Variants in PAPPA observed in about 807,000 individuals in gnomAD.
PAPPA encodes the protein pappalysin-1.
A neutral mutation model predicts 164.0 loss-of-function variants in PAPPA; 60 were observed. The ratio of observed to expected loss-of-function variants is 0.37; its 90% CI spans 0.30 to 0.45. The LOEUF (loss-of-function observed/expected upper bound fraction) is 0.45. Ranked by LOEUF, PAPPA falls within the 20% of genes least tolerant of loss-of-function variation. The probability of loss-of-function intolerance (pLI) is 1.00; values close to 1 mark genes in which losing one functional copy is unlikely to be tolerated. For synonymous variants in PAPPA, 875 were observed against 814.1 expected, an observed-to-expected ratio of 1.07 and a Z score of -1.27; for missense variants, 1,782 against 2,087.3, an observed-to-expected ratio of 0.85 and a Z score of 2.85.
intron 2 of PAPPA, among the ~76,000 whole-genome samples, chr9:116,191,794 T>A (rs997233658): frequency 9.2e-5 from 14 of 152,050 alleles, no homozygotes; most frequent in Admixed American, 9.2e-4. Context: ...GATGGCACAT[T>A]CAAACAGAAT....
At chr9:116,345,569 G>T (rs1846197308) in intron 14 of PAPPA, among the ~76,000 whole-genome samples, 1 of 152,186 alleles carries the variant, frequency 6.6e-6, no homozygotes, top group African/African-American at 2.4e-5. Context: ...GTCAGGAAGT[G>T]TGGGGTTGAT....
intron 9 of PAPPA, among the ~76,000 whole-genome samples, chr9:116,295,915 G>A (rs978532994): frequency 3.3e-5 from 5 of 152,192 alleles, no homozygotes; most frequent in Admixed American, 2.6e-4. Flanking sequence ...GCAGATGTTA[G>A]TATATTGATT....
intron 1 of PAPPA, among the ~76,000 whole-genome samples, chr9:116,157,313 A>G (rs1843616073): frequency 6.6e-6 from 1 of 152,116 alleles, no homozygotes; most frequent in African/African-American, 2.4e-5. Context: ...AGACAGGGGG[A>G]AGGAGCGAAG....
intron 9 of PAPPA, among the ~76,000 whole-genome samples, chr9:116,297,429 G>T (rs1018502914): frequency 2.0e-5 from 3 of 152,170 alleles, no homozygotes; most frequent in Non-Finnish European, 4.4e-5. Flanking sequence ...ATCTTGTACT[G>T]AGAAGACACG....
intron 18 of PAPPA, among the ~76,000 whole-genome samples, chr9:116,365,684 C>T (rs1297935031): frequency 6.6e-6 from 1 of 150,732 alleles, no homozygotes; most frequent in Non-Finnish European, 1.5e-5. Flanking sequence ...TCCTTTAGAA[C>T]TGGTCTCATG....
chr9:116,217,031 T>C (rs886342909), intron 4 of PAPPA, among the ~76,000 whole-genome samples: 1 of 152,304 alleles, frequency 6.6e-6, no homozygotes, highest in Non-Finnish European at 1.5e-5. Context: ...AGAGCCACTG[T>C]GCCCAGCCTC....
At chr9:116,344,498 TCC>T (rs1564234348) in intron 13 of PAPPA, 43 bp from the exon 14 acceptor site, 1 of 1,583,024 alleles carries the variant, frequency 6.3e-7, no homozygotes. Context: ...AGCATAGCTG[TCC>T]TGTGAGGAGA....
chr9:116,211,390 C>A (rs1378163482), intron 3 of PAPPA, among the ~76,000 whole-genome samples: 1 of 152,210 alleles, frequency 6.6e-6, no homozygotes, highest in African/African-American at 2.4e-5. Context: ...CCCTTCACCT[C>A]TTTAAGCATT....
rs1445651257 is a variant in PAPPA, at chr9:116,154,523, C to T, written c.351C>T (p.Asp117=). The part of the protein sequence containing the change: ...RLRADLELPR[D]AFTLQVWLRA... ...GGGCCGACCTCGAGCTGCCCCGGGA[C>T]GCGTTCACGCTGCAAGTGTGGCTGC... Residue 117 remains aspartate (D), a synonymous_variant, in exon 1 of 22, where the codon GAC becomes GAT. Transcript: ENST00000328252. This position sits in a 1 kb window ranked among gnomAD's most constrained non-coding sequence, Gnocchi z 5.2. 5.7e-6 allele frequency: 8 copies of T among 1,400,102 alleles called. No homozygotes were observed. The highest frequency in any genetic ancestry group is 5.5e-5 in the Admixed American group (2 of 36,668). 86.7% of individuals were successfully genotyped at this position (1,400,102 alleles called of 1,614,324 possible).
At chr9:116,364,208 T>C (rs1276685609) in intron 18 of PAPPA, among the ~76,000 whole-genome samples, 1 of 152,250 alleles carries the variant, frequency 6.6e-6, no homozygotes, top group Non-Finnish European at 1.5e-5. Context: ...ATGTCTGTGA[T>C]GGGGTCCCAA....
chr9:116,257,686 A>C (rs1844947386), intron 7 of PAPPA, among the ~76,000 whole-genome samples: 1 of 152,042 alleles, frequency 6.6e-6, no homozygotes, highest in African/African-American at 2.4e-5. Context: ...TGGGCGACAG[A>C]GCGAGACTCC....
chr9:116,205,221 C>G (rs1022163059), intron 2 of PAPPA, among the ~76,000 whole-genome samples: 23 of 152,050 alleles, frequency 1.5e-4, no homozygotes, highest in African/African-American at 5.3e-4. Flanking sequence ...TGAAGAGGCT[C>G]CCACATCCCA....
At position 116,231,760 on chromosome 9, in the gene PAPPA, C is replaced by CTTTTCCTTTTT. The variant is rs1844598363; in HGVS notation, c.2234-3375_2234-3374insCCTTTTTTTTT. On this transcript the variant is annotated intron_variant, in intron 6 of 21. Transcript: ENST00000328252. ...TAAACAGTGGTTTTTCTTTTCTTTT[C>CTTTTCCTTTTT]TTTTTCTTTTTTTTTTTTGAGATGG... Among the ~76,000 whole-genome samples, 2 of 2,824 alleles carry CTTTTCCTTTTT rather than the reference C, an allele frequency of 7.1e-4. 1 individual carries two copies. Among genetic ancestry groups the CTTTTCCTTTTT allele is most frequent in the East Asian group, 0.021 (2 of 96 alleles). The allele number at this position is 2,824 out of a possible 152,430, so 1.9% of individuals were successfully genotyped here.
chr9:116,235,725 A>C lies in PAPPA; in HGVS notation c.2732+88A>C. ...GGTCAGAGAGGCCTGGACAGGGGGAAGGTTCATCACAGTCAAGACTCACTC... is the reference window on the plus strand; with the variant it reads ...GGTCAGAGAGGCCTGGACAGGGGGACGGTTCATCACAGTCAAGACTCACTC... On this transcript the variant is annotated intron_variant, in intron 7 of 21. Transcript: ENST00000328252. 7.0e-6 allele frequency: 9 copies of C among 1,281,628 alleles called. 1 individual carries two copies. The highest frequency in any genetic ancestry group is 1.0e-5 in the Non-Finnish European group (9 of 894,428). The allele number at this position is 1,281,628 out of a possible 1,614,324, so 79.4% of individuals were successfully genotyped here.
Position 116,213,455 on chromosome 9 carries a change from GATTCCCACTGGGCTCCC to G in PAPPA, c.1918+1531_1918+1547del, listed in dbSNP as rs1844333437. 1.4e-4 allele frequency among the ~76,000 whole-genome samples: 22 copies of G among 152,272 alleles called. No individual in the cohort carries two copies. In the South Asian group the frequency reaches 4.6e-3, roughly 32 times the overall value. Reference sequence around the variant, plus strand: ...GGTGCTGGGTATTTCCTGAAAAGCAGATTCCCACTGGGCTCCCATTCCCAGCCAAGCTGACATCCCAC... The same window carrying G: ...GGTGCTGGGTATTTCCTGAAAAGCAGATTCCCAGCCAAGCTGACATCCCAC... On this transcript the variant is annotated intron_variant, in intron 4 of 21. Transcript: ENST00000328252.
intron 1 of PAPPA, among the ~76,000 whole-genome samples, chr9:116,181,452 A>G (rs1340293521): frequency 6.6e-6 from 1 of 152,054 alleles, no homozygotes; most frequent in African/African-American, 2.4e-5. Context: ...TTCTCCTCTT[A>G]TAAGAACACC....
intron 7 of PAPPA, among the ~76,000 whole-genome samples, chr9:116,243,499 T>C (rs1844759974): frequency 1.3e-5 from 2 of 152,166 alleles, no homozygotes; most frequent in Non-Finnish European, 2.9e-5. Flanking sequence ...GATAAGGTCA[T>C]TGATTTAAGG....
In PAPPA at chr9:116,353,757, G is replaced by A. The variant is rs971189860; in HGVS notation, c.4311G>A (p.Glu1437=). 1.2e-5 allele frequency: 19 copies of A among 1,613,996 alleles called. No homozygotes were observed. The highest frequency in any genetic ancestry group is 1.6e-4 in the Middle Eastern group (1 of 6,084). ...QCTNGFQFNS[E]CRIKCEDSDA... ...CTAATGGCTTCCAGTTCAACAGTGA[G>A]TGTAGGATCAAGTGTGAAGACAGTG... The change falls in exon 17 of 22, where the codon GAG becomes GAA. Residue 1437 remains glutamate, a synonymous_variant. Transcript: ENST00000328252.
At chr9:116,315,666 G>GT in intron 10 of PAPPA, among the ~76,000 whole-genome samples, 1 of 152,082 alleles carries the variant, frequency 6.6e-6, no homozygotes. Flanking sequence ...TTGAGAATGT[G>GT]GTTCACCTTC....
Sources: allele counts gnomAD v4.1 joint callset (sites outside exome capture counted in the v4.1 genomes callset), GRCh38; gene constraint gnomAD v4.1.1; non-coding constraint Gnocchi (gnomAD v3.1); transcripts MANE v1.5; gene names NCBI Gene and HGNC (gene_info 2026-07-23, HGNC 2026-07-21).